DPP6: variants seen among roughly 807,000 people sequenced by gnomAD.
The protein encoded by DPP6 is dipeptidyl peptidase like 6, also known as A-type potassium channel modulatory protein DPP6.
Under a neutral mutation model 122.6 loss-of-function variants are expected in DPP6, and 69 were observed. The ratio of observed to expected loss-of-function variants is 0.56; its 90% confidence interval spans 0.46 to 0.69. The LOEUF (loss-of-function observed/expected upper bound fraction) is 0.69. DPP6 is among the 30% of genes least tolerant of loss of function. DPP6 has a pLI of 0.00. For missense variants in DPP6, 928 were observed against 1,116.9 expected (o/e 0.83, Z 2.41); for synonymous variants, 418 against 433.1 (o/e 0.97, Z 0.43).
intron 3 of DPP6, among the ~76,000 whole-genome samples, chr7:154,527,630 G>T (rs1486770575): frequency 6.6e-6 from 1 of 152,084 alleles, no homozygotes; most frequent in Non-Finnish European, 1.5e-5. Flanking sequence ...TACATTCATT[G>T]TGTATACTCT....
At chr7:154,643,472 T>C (rs1223900880) in intron 6 of DPP6, among the ~76,000 whole-genome samples, 1 of 148,392 alleles carries the variant, frequency 6.7e-6, no homozygotes, top group Non-Finnish European at 1.5e-5. Context: ...AATTTCTTTT[T>C]TTTTTTTTTT....
the DPP6 span, among the ~76,000 whole-genome samples, chr7:153,850,253 A>G: frequency 1.3e-5 from 2 of 151,926 alleles, no homozygotes. Flanking sequence ...CTGGGGAGAG[A>G]TCTGCTTCCA....
At chr7:154,891,974 T>G (rs921845276) in intron 25 of DPP6, among the ~76,000 whole-genome samples, 3 of 152,170 alleles carry the variant, frequency 2.0e-5, no homozygotes, top group African/African-American at 7.2e-5. Context: ...AGATCCGGAC[T>G]GTAGAGTGTT....
At chr7:154,888,094 T>TC (rs1806312154) in intron 23 of DPP6, among the ~76,000 whole-genome samples, 1 of 149,396 alleles carries the variant, frequency 6.7e-6, no homozygotes, top group African/African-American at 2.5e-5. Flanking sequence ...GAGCTTTTTT[T>TC]TTTTTTTTTT....
At chr7:154,537,417 G>C (rs1440401675) in intron 3 of DPP6, among the ~76,000 whole-genome samples, 2 of 152,154 alleles carry the variant, frequency 1.3e-5, no homozygotes, top group African/African-American at 4.8e-5. Context: ...GAGAGGATGT[G>C]AGTTATGAGA....
At chr7:154,505,527 C>T (rs1276282946) in intron 3 of DPP6, among the ~76,000 whole-genome samples, 7 of 152,186 alleles carry the variant, frequency 4.6e-5, no homozygotes, top group Admixed American at 6.5e-5. Context: ...GTGACAGCTT[C>T]GCAGAAGTTC....
chr7:154,650,380 A>T (rs1057169224), intron 6 of DPP6, among the ~76,000 whole-genome samples: 3 of 151,962 alleles, frequency 2.0e-5, no homozygotes, highest in Non-Finnish European at 4.4e-5. Flanking sequence ...GGAGGGGACT[A>T]TGCATATCCC....
intron 1 of DPP6, among the ~76,000 whole-genome samples, chr7:154,211,766 C>T (rs1218417380): frequency 6.6e-6 from 1 of 152,190 alleles, no homozygotes; most frequent in Non-Finnish European, 1.5e-5. Flanking sequence ...ATCCGGGCTG[C>T]AGCTTTCAGC....
At chr7:154,029,061 A>G (rs10282018) in intron 1 of DPP6, among the ~76,000 whole-genome samples, 18,476 of 147,176 alleles carry the variant, frequency 0.13, 1,781 homozygotes, top group African/African-American at 0.3. Context: ...CCACAGGGCT[A>G]CTGTCACACC....
intron 7 of DPP6, among the ~76,000 whole-genome samples, chr7:154,721,264 G>A (rs116062787): frequency 8.5e-5 from 13 of 152,240 alleles, no homozygotes; most frequent in Admixed American, 2.6e-4. Context: ...TCCTCCTTCC[G>A]CTAACTGCTG....
At chr7:154,740,868 C>T (rs1465877549) in intron 8 of DPP6, among the ~76,000 whole-genome samples, 2 of 152,148 alleles carry the variant, frequency 1.3e-5, no homozygotes, top group Non-Finnish European at 1.5e-5. Flanking sequence ...TCCTTATCCC[C>T]ACGTGAAACC....
At chr7:154,221,866 G>A (rs1341104569) in intron 1 of DPP6, among the ~76,000 whole-genome samples, 1 of 151,816 alleles carries the variant, frequency 6.6e-6, no homozygotes, top group African/African-American at 2.4e-5. Flanking sequence ...AGCACCCCCA[G>A]TTTAAATATA....
intron 1 of DPP6, among the ~76,000 whole-genome samples, chr7:154,252,238 G>GCGCGCA (rs1554501586): frequency 1.4e-4 from 22 of 152,100 alleles, no homozygotes; most frequent in African/African-American, 5.3e-4. Flanking sequence ...GTGTGTGTGC[G>GCGCGCA]CGCATGCGCA....
intron 5 of DPP6, among the ~76,000 whole-genome samples, chr7:154,598,293 A>AGGAAAACC (rs1465732944): frequency 6.6e-6 from 1 of 152,254 alleles, no homozygotes; most frequent in Non-Finnish European, 1.5e-5. Context: ...CACTTCATAA[A>AGGAAAACC]GGAAAACCGT....
chr7:154,580,245 GCA>G (rs930744460), intron 5 of DPP6, among the ~76,000 whole-genome samples: 2 of 137,726 alleles, frequency 1.5e-5, no homozygotes, highest in African/African-American at 5.5e-5. Context: ...ACACACACAT[GCA>G]CACACACATT....
chr7:154,583,351 G>A (rs533119647), intron 5 of DPP6, among the ~76,000 whole-genome samples: 6 of 152,318 alleles, frequency 3.9e-5, no homozygotes, highest in African/African-American at 1.4e-4. Flanking sequence ...CAGGCCTCCT[G>A]TGGCAGAATT....
intron 1 of DPP6, among the ~76,000 whole-genome samples, chr7:154,436,363 C>G (rs900785574): frequency 2.6e-5 from 4 of 151,946 alleles, no homozygotes; most frequent in African/African-American, 9.7e-5. Flanking sequence ...AGCTCAAATT[C>G]TCTTCCTCAG....
intron 1 of DPP6, among the ~76,000 whole-genome samples, chr7:153,902,080 G>A (rs1017231175): frequency 1.3e-5 from 2 of 152,218 alleles, no homozygotes; most frequent in African/African-American, 2.4e-5. Flanking sequence ...TAGAGAAAGA[G>A]AACACTTTTC....
At chr7:154,195,464 C>A (rs1314538891) in intron 1 of DPP6, among the ~76,000 whole-genome samples, 1 of 152,132 alleles carries the variant, frequency 6.6e-6, no homozygotes, top group Non-Finnish European at 1.5e-5. Context: ...TGGCCGGCAG[C>A]CTGTTGGGTA....
Sources: gnomAD v4.1 joint callset for allele counts (sites outside exome capture counted in the v4.1 genomes callset) on GRCh38, gnomAD v4.1.1 for gene constraint, MANE v1.5 for transcripts, NCBI Gene and HGNC (gene_info 2026-07-23, HGNC 2026-07-21) for gene names.